Variants in MAP4K3 observed in about 807,000 individuals in gnomAD.
MAP4K3 encodes MAPK/ERK kinase kinase kinase 3.
In MAP4K3, 94 loss-of-function variants were observed where a neutral mutation model predicts 143.5. The observed-to-expected ratio is 0.65, with a 90% CI of 0.55 to 0.78. MAP4K3 has a LOEUF of 0.78. Ranked by LOEUF, MAP4K3 falls within the 30% of genes least tolerant of loss-of-function variation. The pLI, the probability that MAP4K3 is intolerant of heterozygous loss-of-function variation, is 0.00. For synonymous variants in MAP4K3, 416 were observed against 347.2 expected, an observed-to-expected ratio of 1.20 and a Z score of -2.20; for missense variants, 1,077 against 1,068.1, an observed-to-expected ratio of 1.01 and a Z score of -0.12.
In MAP4K3 at chr2:39,382,473, T is replaced by C. The variant is rs541023783; in HGVS notation, c.97-4350A>G. On this transcript the variant is annotated intron_variant, in intron 1 of 33. Coordinates refer to ENST00000263881, the MANE Select transcript of MAP4K3 (RefSeq NM_003618.4). ...AGCAATGGGATCTGAGCAAGTAATT[T>C]CCCTTGTGTCTTCTTCCTGACCCCT... 4.6e-5 allele frequency among the ~76,000 whole-genome samples: 7 copies of C among 152,330 alleles called. No individual in the cohort carries two copies. In the South Asian group the frequency reaches 1.2e-3, roughly 27 times the overall value.
intron 16 of MAP4K3, among the ~76,000 whole-genome samples, chr2:39,297,079 C>T (rs1220991346): frequency 6.6e-6 from 1 of 151,842 alleles, no homozygotes; most frequent in Non-Finnish European, 1.5e-5. Flanking sequence ...AACATTTTTG[C>T]CCTAAATTAA....
chr2:39,309,408 A>T, intron 14 of MAP4K3, 53 bp downstream of exon 14: 2 of 1,380,214 alleles, frequency 1.4e-6, no homozygotes, highest in Non-Finnish European at 2.0e-6. Flanking sequence ...TCACACAAAA[A>T]CAAATTAAAA....
At chr2:39,401,771 G>A (rs189604858) in intron 1 of MAP4K3, among the ~76,000 whole-genome samples, 35 of 152,082 alleles carry the variant, frequency 2.3e-4, no homozygotes, top group Admixed American at 7.9e-4. Flanking sequence ...ACTGCACTCC[G>A]GCCTGGATGA....
intron 1 of MAP4K3, among the ~76,000 whole-genome samples, chr2:39,384,763 A>T (rs1558679644): frequency 6.6e-6 from 1 of 152,192 alleles, no homozygotes; most frequent in Non-Finnish European, 1.5e-5. Flanking sequence ...GGAGTTTTTA[A>T]TTTTTTTAAC....
At chr2:39,274,140 A>G (rs1476234346) in intron 24 of MAP4K3, among the ~76,000 whole-genome samples, 2 of 152,182 alleles carry the variant, frequency 1.3e-5, no homozygotes, top group Non-Finnish European at 2.9e-5. Flanking sequence ...TCATATTTTC[A>G]ACATAGGGAC....
chr2:39,290,897 T>C (rs542787324), intron 18 of MAP4K3, among the ~76,000 whole-genome samples: 83 of 152,010 alleles, frequency 5.5e-4, no homozygotes, highest in African/African-American at 1.9e-3. Context: ...GTTAACATGG[T>C]GAAACACCAT....
intron 2 of MAP4K3, among the ~76,000 whole-genome samples, chr2:39,365,961 G>T (rs916288740): frequency 6.6e-6 from 1 of 152,144 alleles, no homozygotes; most frequent in Non-Finnish European, 1.5e-5. Context: ...TTCATGTGTG[G>T]TGTCATTCAA....
intron 13 of MAP4K3, among the ~76,000 whole-genome samples, chr2:39,310,374 T>G (rs937194158): frequency 1.6e-4 from 24 of 152,226 alleles, no homozygotes; most frequent in African/African-American, 5.5e-4. Flanking sequence ...CCTAGTCACT[T>G]AACATTAATG....
chr2:39,304,574 T>C (rs1463580585), intron 15 of MAP4K3, among the ~76,000 whole-genome samples: 1 of 152,230 alleles, frequency 6.6e-6, no homozygotes, highest in Non-Finnish European at 1.5e-5. Context: ...TAATAACAAA[T>C]GCTGATGAGG....
intron 22 of MAP4K3, 46 bp from the exon 23 acceptor site, chr2:39,280,402 G>T: frequency 9.2e-7 from 1 of 1,085,800 alleles, no homozygotes; most frequent in Non-Finnish European, 1.4e-6. Flanking sequence ...ACAAGTAACA[G>T]TCTTTAATAT....
At chr2:39,323,935 C>T (rs1380108794) in intron 12 of MAP4K3, 1 of 152,078 alleles carries the variant, frequency 6.6e-6, no homozygotes, top group Non-Finnish European at 1.5e-5. Flanking sequence ...TTTTAAAAGT[C>T]ATGAAACAAT....
intron 1 of MAP4K3, among the ~76,000 whole-genome samples, chr2:39,407,768 G>T (rs979121962): frequency 6.6e-6 from 1 of 152,074 alleles, no homozygotes; most frequent in Non-Finnish European, 1.5e-5. Context: ...TAGACATGGG[G>T]TCTCACTATG....
At chr2:39,305,220 A>G (rs1682660042) in intron 15 of MAP4K3, among the ~76,000 whole-genome samples, 1 of 152,196 alleles carries the variant, frequency 6.6e-6, no homozygotes, top group South Asian at 2.1e-4. Context: ...CGTAATGTAT[A>G]TTTTACCACA....
intron 17 of MAP4K3, 106 bp downstream of exon 17, chr2:39,293,124 G>GAA: frequency 1.2e-6 from 1 of 858,092 alleles, no homozygotes; most frequent in Non-Finnish European, 1.8e-6. Context: ...CTCTATTAAA[G>GAA]AAAAAAAAGA....
chr2:39,404,613 C>G (rs367945739), intron 1 of MAP4K3, among the ~76,000 whole-genome samples: 1 of 129,912 alleles, frequency 7.7e-6, no homozygotes, highest in East Asian at 2.2e-4. Context: ...TTTCTTCTTT[C>G]TTTCTTTTTT....
intron 12 of MAP4K3, among the ~76,000 whole-genome samples, chr2:39,322,826 T>A (rs1573149446): frequency 6.6e-6 from 1 of 151,838 alleles, no homozygotes; most frequent in African/African-American, 2.4e-5. Context: ...TGAGCCACCA[T>A]GCCCGGCTAA....
At chr2:39,342,478 G>GT (rs1433479505) in intron 4 of MAP4K3, among the ~76,000 whole-genome samples, 1 of 152,120 alleles carries the variant, frequency 6.6e-6, no homozygotes, top group African/African-American at 2.4e-5. Context: ...AAAGACCAAT[G>GT]TAAGTAGCTT....
intron 1 of MAP4K3, among the ~76,000 whole-genome samples, chr2:39,405,129 T>C (rs1439608240): frequency 6.6e-6 from 1 of 152,224 alleles, no homozygotes; most frequent in East Asian, 1.9e-4. Flanking sequence ...CCCAGTGCTG[T>C]GCTGGCTTCT....
intron 28 of MAP4K3, 55 bp downstream of exon 28, chr2:39,265,148 G>A: frequency 8.7e-7 from 1 of 1,149,630 alleles, no homozygotes; most frequent in Non-Finnish European, 1.3e-6. Context: ...TTAAAGAACA[G>A]TAAGGTTGAC....
Sources: allele counts gnomAD v4.1 joint callset (sites outside exome capture counted in the v4.1 genomes callset), GRCh38; gene constraint gnomAD v4.1.1; transcripts MANE v1.5; gene names NCBI Gene and HGNC (gene_info 2026-07-23, HGNC 2026-07-21).